The following DRC4 variants were observed in gnomAD, a reference collection of about 807,000 sequenced individuals.
DRC4 encodes GAS-11.
chr16:90,037,649 C>G, the DRC4 span: 4 of 1,116,264 alleles, frequency 3.6e-6, no homozygotes, highest in East Asian at 4.7e-5. Context: ...TGTCCTGGAA[C>G]CAGGTCTTTC....
the DRC4 span, among the ~76,000 whole-genome samples, chr16:90,030,917 T>C: frequency 6.6e-6 from 1 of 152,220 alleles, no homozygotes; most frequent in Non-Finnish European, 1.5e-5. Flanking sequence ...CGCGCCTCGC[T>C]TATTTCCCTG....
the DRC4 span, among the ~76,000 whole-genome samples, chr16:90,025,756 G>A: frequency 2.0e-5 from 3 of 151,258 alleles, no homozygotes; most frequent in South Asian, 4.2e-4. Context: ...GCGTGGTGGC[G>A]GGCACCTGTA....
the DRC4 span, among the ~76,000 whole-genome samples, chr16:90,027,281 G>T: frequency 6.6e-6 from 1 of 151,754 alleles, no homozygotes; most frequent in African/African-American, 2.4e-5. Context: ...GTAGAGATGG[G>T]GTTTCACTGT....
the DRC4 span, chr16:90,027,652 G>A: frequency 6.2e-7 from 1 of 1,614,144 alleles, no homozygotes; most frequent in Non-Finnish European, 8.5e-7. Context: ...AAAAAGAAAG[G>A]GAAGAAAGGC....
the DRC4 span, chr16:90,037,314 C>T: frequency 6.2e-7 from 1 of 1,613,992 alleles, no homozygotes; most frequent in Non-Finnish European, 8.5e-7. Flanking sequence ...AAGCGCCTGG[C>T]AGACCCTCTC....
At chr16:90,043,183 C>T in the DRC4 span, 3 of 1,603,286 alleles carry the variant, frequency 1.9e-6, no homozygotes, top group Admixed American at 1.7e-5. Flanking sequence ...CTGACACTGC[C>T]CTGTCTCCAC....
At chr16:90,029,327 C>T in the DRC4 span, 3 of 1,362,516 alleles carry the variant, frequency 2.2e-6, no homozygotes, top group East Asian at 1.4e-4. Flanking sequence ...TGCCCCGCAG[C>T]AGAGGACAGT....
At chr16:90,043,395 G>A in the DRC4 span, 5 of 1,540,194 alleles carry the variant, frequency 3.2e-6, no homozygotes, top group Non-Finnish European at 4.4e-6. Flanking sequence ...GGAACACTCG[G>A]GATGACACCC....
At chr16:90,039,428 C>T in the DRC4 span, among the ~76,000 whole-genome samples, 9 of 151,918 alleles carry the variant, frequency 5.9e-5, no homozygotes, top group Middle Eastern at 3.2e-3. Flanking sequence ...TCTTGTTGCC[C>T]AGGCTGGAGT....
chr16:90,019,691 G>T, the DRC4 span: 1 of 560,002 alleles, frequency 1.8e-6, no homozygotes, highest in South Asian at 2.2e-5. This position sits in a 1 kb window ranked among gnomAD's most constrained non-coding sequence, Gnocchi z 6.1. Context: ...GCGCCCTCCC[G>T]ACCCCGGCCG....
chr16:90,022,719 G>T, the DRC4 span: 1 of 1,419,126 alleles, frequency 7.0e-7, no homozygotes, highest in South Asian at 1.4e-5. Context: ...GTCCGCTGGC[G>T]TCATGGTGAG....
the DRC4 span, among the ~76,000 whole-genome samples, chr16:90,038,614 G>T: frequency 6.6e-6 from 1 of 152,198 alleles, no homozygotes; most frequent in Non-Finnish European, 1.5e-5. Flanking sequence ...TGAGGACCCT[G>T]ATCATCTGTC....
chr16:90,029,518 C>T, the DRC4 span: 2 of 375,678 alleles, frequency 5.3e-6, no homozygotes, highest in East Asian at 1.6e-4. Context: ...AGGCTCTGCC[C>T]AGGAGCCTCT....
chr16:90,027,364 A>G, the DRC4 span, among the ~76,000 whole-genome samples: 1 of 152,200 alleles, frequency 6.6e-6, no homozygotes, highest in Non-Finnish European at 1.5e-5. Flanking sequence ...CTGGGATTAC[A>G]GGCGTGAGCC....
the DRC4 span, chr16:90,042,247 T>C: frequency 1.7e-6 from 1 of 595,410 alleles, no homozygotes; most frequent in Non-Finnish European, 3.2e-6. Context: ...GGACTGTTGC[T>C]GGAGAGGCAG....
the DRC4 span, among the ~76,000 whole-genome samples, chr16:90,024,679 T>A: frequency 0.051 from 7,778 of 151,980 alleles, 274 homozygotes; most frequent in East Asian, 0.16. Flanking sequence ...GGGAGTTGGG[T>A]TTTCTTATAT....
chr16:90,043,402 A>C, the DRC4 span: 1 of 1,482,734 alleles, frequency 6.7e-7, no homozygotes, highest in African/African-American at 1.4e-5. Context: ...TCGGGATGAC[A>C]CCCCTTATCA....
chr16:90,024,394 G>A, the DRC4 span, among the ~76,000 whole-genome samples: 4 of 152,200 alleles, frequency 2.6e-5, no homozygotes, highest in Non-Finnish European at 5.9e-5. Flanking sequence ...TAAGCTTTTC[G>A]TGGGGCAGAG....
At chr16:90,028,887 G>T in the DRC4 span, 1 of 1,212,516 alleles carries the variant, frequency 8.2e-7, no homozygotes, top group Non-Finnish European at 1.1e-6. Context: ...TGAAGTTGGA[G>T]CTAGGCAGAG....
Sources: gnomAD v4.1 joint callset for allele counts (sites outside exome capture counted in the v4.1 genomes callset) on GRCh38, gnomAD v4.1.1 for gene constraint, Gnocchi (gnomAD v3.1) non-coding constraint, MANE v1.5 for transcripts, NCBI Gene and HGNC (gene_info 2026-07-23, HGNC 2026-07-21) for gene names.